ALPK2: variants seen among roughly 807,000 people sequenced by gnomAD.
ALPK2 encodes the protein alpha kinase 2.
ALPK2 carries 127 observed loss-of-function variants against 163.1 expected under a neutral mutation model. That is an observed-to-expected ratio of 0.78 (90% CI 0.67 to 0.90). The LOEUF is 0.90. Ranked by LOEUF, ALPK2 falls within the 40% of genes least tolerant of loss-of-function variation. The pLI is 0.00. For synonymous variants in ALPK2, 953 were observed against 959.1 expected, an observed-to-expected ratio of 0.99 and a Z score of 0.12; for missense variants, 2,360 against 2,589.6, an observed-to-expected ratio of 0.91 and a Z score of 1.92.
intron 10 of ALPK2, among the ~76,000 whole-genome samples, chr18:58,514,146 T>C (rs893443153): frequency 6.6e-6 from 1 of 152,212 alleles, no homozygotes; most frequent in African/African-American, 2.4e-5. Flanking sequence ...CAATTGTAAG[T>C]GGGTACTGAA....
chr18:58,493,064 CTG>C (rs2051383173), intron 12 of ALPK2, among the ~76,000 whole-genome samples: 1 of 152,182 alleles, frequency 6.6e-6, no homozygotes, highest in South Asian at 2.1e-4. Flanking sequence ...ACAGAATGGG[CTG>C]ACCGGATGAA....
Position 58,535,037 on chromosome 18 carries a change from G to A in ALPK2, c.5150C>T (p.Ala1717Val), listed in dbSNP as rs1478196705. The A allele has an allele frequency of 6.2e-7, 1 of 1,613,950 alleles. No individual in the cohort carries two copies. Among genetic ancestry groups the A allele is most frequent in the African/African-American group, 1.3e-5 (1 of 74,894 alleles). ...GSEEVKRKPE[A>V]PGSGHLAEGV... The stretch of plus-strand genomic sequence containing the variant: ...CTCAGCTAAATGTCCACTGCCTGGG[G>A]CTTCTGGCTTCCTCTTGACCTCCTC... Residue 1717 changes from alanine to valine, a missense_variant, in exon 5 of 13, where the codon GCC (alanine) becomes GTC (valine). Coordinates refer to ENST00000361673, the MANE Select transcript of ALPK2 (RefSeq NM_052947.4).
intron 4 of ALPK2, among the ~76,000 whole-genome samples, chr18:58,564,843 A>C (rs963309873): frequency 5.3e-5 from 8 of 152,192 alleles, no homozygotes; most frequent in African/African-American, 1.7e-4. Flanking sequence ...TTTTAAAAAA[A>C]ATTTTTTTAA....
At chr18:58,518,767 T>G (rs1747222000) in intron 8 of ALPK2, among the ~76,000 whole-genome samples, 1 of 152,206 alleles carries the variant, frequency 6.6e-6, no homozygotes, top group Non-Finnish European at 1.5e-5. Flanking sequence ...TTTCCAGGGC[T>G]GTGGAAATGC....
intron 3 of ALPK2, 145 bp downstream of exon 3, chr18:58,607,177 C>T: frequency 1.8e-6 from 1 of 542,586 alleles, no homozygotes; most frequent in South Asian, 3.6e-5. Flanking sequence ...TTGCTGGGTG[C>T]TTTGGCAGAT....
chr18:58,525,649 C>G (rs773884220), intron 6 of ALPK2, among the ~76,000 whole-genome samples: 15 of 152,134 alleles, frequency 9.9e-5, no homozygotes, highest in Non-Finnish European at 2.2e-4. Context: ...AACCCTGAGG[C>G]CGACCTCAGG....
At chr18:58,513,646 G>T (rs868833866) in intron 10 of ALPK2, among the ~76,000 whole-genome samples, 23 of 152,328 alleles carry the variant, frequency 1.5e-4, no homozygotes, top group Middle Eastern at 3.4e-3. Context: ...GGAGGCCGAG[G>T]CAGGAAGATC....
In ALPK2 at chr18:58,559,716, T is replaced by C. The variant is rs118018484; in HGVS notation, c.1962+19098A>G. Among the ~76,000 whole-genome samples, 5 of 152,274 alleles carry C rather than the reference T, an allele frequency of 3.3e-5. No individual in the cohort carries two copies. The East Asian group carries it at 9.7e-4, about 29-fold the overall frequency. On this transcript the variant is annotated intron_variant, in intron 4 of 12. Coordinates refer to ENST00000361673, the MANE Select transcript of ALPK2 (RefSeq NM_052947.4). ...TGGCTTCATGCCAGGTAGATTGCCA[T>C]TTTTCTTGTTGTTTTCTCTTCCACG...
chr18:58,576,305 C>T (rs150427093), intron 4 of ALPK2, among the ~76,000 whole-genome samples: 17,379 of 151,938 alleles, frequency 0.11, 1,088 homozygotes, highest in East Asian at 0.17. Flanking sequence ...ATCTGAGAGG[C>T]GGAGGTTGCA....
chr18:58,603,161 G>C (rs1201875811), intron 3 of ALPK2, among the ~76,000 whole-genome samples: 1 of 152,148 alleles, frequency 6.6e-6, no homozygotes, highest in African/African-American at 2.4e-5. Context: ...ATTCTTTCTT[G>C]TGTGAGGTTC....
At chr18:58,549,473 GGGAAATGCCT>G (rs1328280522) in intron 4 of ALPK2, among the ~76,000 whole-genome samples, 1 of 152,192 alleles carries the variant, frequency 6.6e-6, no homozygotes, top group Non-Finnish European at 1.5e-5. Flanking sequence ...GAAGTTGGTA[GGGAAATGCCT>G]GGAGAACCAA....
chr18:58,521,625 C>CTTTTTTTTTTTTTTT lies in ALPK2; in HGVS notation c.5665+2180_5665+2181insAAAAAAAAAAAAAAA, dbSNP rs1375364902. Among the ~76,000 whole-genome samples the CTTTTTTTTTTTTTTT allele has an allele frequency of 5.4e-3, 272 of 50,502 alleles. 8 individuals are homozygous for CTTTTTTTTTTTTTTT. Among genetic ancestry groups the CTTTTTTTTTTTTTTT allele is most frequent in the Non-Finnish European group, 8.5e-3 (209 of 24,686 alleles). 33.1% of individuals were successfully genotyped at this position (50,502 alleles called of 152,430 possible). ...CATTTCTTTTTCTTTCTTTCTCTCT[C>CTTTTTTTTTTTTTTT]TCTTTTTTTTTTTTTTTTTTTGAGA... On this transcript the variant is annotated intron_variant, in intron 8 of 12. Coordinates refer to ENST00000361673, the MANE Select transcript of ALPK2 (RefSeq NM_052947.4).
At chr18:58,517,342 AAAG>A (rs1339425673) in intron 8 of ALPK2, among the ~76,000 whole-genome samples, 160 bp from the exon 9 acceptor site, 1 of 152,218 alleles carries the variant, frequency 6.6e-6, no homozygotes, top group Non-Finnish European at 1.5e-5. Flanking sequence ...GGCATAGCTA[AAAG>A]AAGAGATGAG....
chr18:58,529,375 G>A (rs954078932), intron 5 of ALPK2, 137 bp from the exon 6 acceptor site: 2 of 944,564 alleles, frequency 2.1e-6, no homozygotes, highest in Non-Finnish European at 3.0e-6. Context: ...AGTCTCTGAG[G>A]GGAGAGGTGG....
Position 58,537,894 on chromosome 18 carries a change from G to A in ALPK2, c.2293C>T (p.Arg765Cys), listed in dbSNP as rs115584025. ...GCCACAGGCTCCCTGAAGTCAGCAC[G>A]AGCATCCTTGGGGAGATGCCTTGAG... ...VFSRHLPKDA[R>C]ADFREPVAVS... is the part of the protein sequence containing the mutation. Residue 765 changes from arginine (R) to cysteine (C), a missense_variant, in exon 5 of 13, where the codon CGT (arginine) becomes TGT (cysteine). Physicochemically the swap from Arg to Cys is radical, Grantham distance 180. Coordinates refer to ENST00000361673, the MANE Select transcript of ALPK2 (RefSeq NM_052947.4). 171 of 1,614,180 alleles carry A rather than the reference G, an allele frequency of 1.1e-4. No individual in the cohort carries two copies. The African/African-American group carries it at 2.1e-3, about 19-fold the overall frequency.
chr18:58,561,339 A>G (rs2051824606), intron 4 of ALPK2, among the ~76,000 whole-genome samples: 1 of 152,218 alleles, frequency 6.6e-6, no homozygotes, highest in Non-Finnish European at 1.5e-5. Context: ...AATAAGCCAC[A>G]TTGGAACACT....
At chr18:58,550,576 CTATATCAGATACA>C (rs1356860063) in intron 4 of ALPK2, among the ~76,000 whole-genome samples, 710 of 151,404 alleles carry the variant, frequency 4.7e-3, no homozygotes, top group Middle Eastern at 6.8e-3. Context: ...CTACCCTCAT[CTATATCAGATACA>C]ACCCATCCCC....
intron 11 of ALPK2, 90 bp from the exon 12 acceptor site, chr18:58,498,187 C>T (rs2051410912): frequency 8.5e-7 from 1 of 1,176,930 alleles, no homozygotes; most frequent in Non-Finnish European, 1.3e-6. Context: ...GGGGTAATGA[C>T]AGCTCATCCT....
At chr18:58,527,808 C>A (rs942413065) in intron 6 of ALPK2, among the ~76,000 whole-genome samples, 96 of 152,294 alleles carry the variant, frequency 6.3e-4, no homozygotes, top group African/African-American at 2.3e-3. Flanking sequence ...CTATCAATTA[C>A]AATCCAGTTA....
Sources: gnomAD v4.1 joint callset for allele counts (sites outside exome capture counted in the v4.1 genomes callset) on GRCh38, gnomAD v4.1.1 for gene constraint, MANE v1.5 for transcripts, NCBI Gene and HGNC (gene_info 2026-07-23, HGNC 2026-07-21) for gene names.